The following ZNF474 variants were observed in gnomAD, a reference collection of about 807,000 sequenced individuals.
ZNF474 encodes zinc finger protein 474, also known as 4933409D10Rik.
For missense variants in ZNF474, 511 were observed against 433.8 expected (o/e 1.18, Z -1.58); for synonymous variants, 192 against 162.2 (o/e 1.18, Z -1.39).
Position 122,138,947 on chromosome 5 carries a change from C to A in ZNF474, c.-213+9264C>A, listed in dbSNP as rs574821815. Among the ~76,000 whole-genome samples, 3 of 152,238 alleles carry A rather than the reference C, an allele frequency of 2.0e-5. No homozygotes were observed. The East Asian group carries it at 5.8e-4, about 29-fold the overall frequency. ...AAATATATAATTATTTTGTGAAAGA[C>A]TTTTTCCATTTTGGTTCATTTTAAA... On this transcript the variant is annotated intron_variant, in intron 1 of 1. Transcript: ENST00000296600.
rs200800080 is a variant in ZNF474 at position 122,152,972 on chromosome 5, G to C, written c.982G>C (p.Glu328Gln). ...TTTAGGGAGTAAAGGAGGCCTAAAAGAGTACACTAATTCCAAGCAGCAAAG... is the reference window on the plus strand; with the variant it reads ...TTTAGGGAGTAAAGGAGGCCTAAAACAGTACACTAATTCCAAGCAGCAAAG... ...LNLGSKGGLKEYTNSKQQRNR... is the reference protein window; with the variant it reads ...LNLGSKGGLKQYTNSKQQRNR... The change falls in exon 2 of 2, where the codon GAG becomes CAG. Residue 328 changes from glutamate (E) to glutamine (Q), a missense_variant. Coordinates refer to ENST00000296600, the MANE Select transcript of ZNF474 (RefSeq NM_207317.3). The C allele has an allele frequency of 4.5e-5, 72 of 1,613,886 alleles. No individual in the cohort carries two copies. In the Middle Eastern group the frequency reaches 8.2e-4, roughly 18 times the overall value.
intron 1 of ZNF474, among the ~76,000 whole-genome samples, chr5:122,131,685 G>C (rs1169042910): frequency 1.3e-5 from 2 of 151,970 alleles, no homozygotes; most frequent in African/African-American, 4.8e-5. Context: ...ATGAGTGATA[G>C]GGTAGATATT....
At position 122,152,243 on chromosome 5, in the gene ZNF474, C is replaced by T. The variant is rs143759385; in HGVS notation, c.253C>T (p.Pro85Ser). Residue 85 changes from proline to serine, a missense_variant, in exon 2 of 2, where the codon CCT becomes TCT. Transcript: ENST00000296600. ...TATATCGGAAAGCCAGCTTAGCCCC[C>T]CTGTGATCCCGGCCCGCAGGCCTGG... ...RIISESQLSP[P>S]VIPARRPGFR... is the part of the protein sequence containing the mutation. The T allele has an allele frequency of 2.2e-5, 36 of 1,614,210 alleles. No homozygotes were observed. The highest frequency in any genetic ancestry group is 2.1e-4 in the South Asian group (19 of 91,088).
chr5:122,143,973 TC>T (rs1755918877), intron 1 of ZNF474, among the ~76,000 whole-genome samples: 1 of 152,186 alleles, frequency 6.6e-6, no homozygotes, highest in Non-Finnish European at 1.5e-5. Flanking sequence ...TTCCTTTTTT[TC>T]TTTTTATTTC....
chr5:122,145,081 A>G (rs1177252516), intron 1 of ZNF474, among the ~76,000 whole-genome samples: 1 of 152,222 alleles, frequency 6.6e-6, no homozygotes, highest in African/African-American at 2.4e-5. Flanking sequence ...TTCTAACACC[A>G]TAGACTATTA....
intron 1 of ZNF474, among the ~76,000 whole-genome samples, chr5:122,149,985 A>G (rs1252240496): frequency 6.6e-6 from 1 of 151,616 alleles, no homozygotes; most frequent in East Asian, 1.9e-4. Context: ...GGCAGAGACA[A>G]TTTAGGGGAA....
intron 1 of ZNF474, among the ~76,000 whole-genome samples, chr5:122,149,938 A>G (rs997274342): frequency 2.0e-5 from 3 of 149,956 alleles, no homozygotes; most frequent in Non-Finnish European, 4.4e-5. Context: ...AGAGAGAGAG[A>G]GAGGGAGGGA....
intron 1 of ZNF474, among the ~76,000 whole-genome samples, chr5:122,151,447 T>C (rs1370618484): frequency 6.6e-6 from 1 of 152,142 alleles, no homozygotes; most frequent in Non-Finnish European, 1.5e-5. Flanking sequence ...TTCTATGGTC[T>C]CACCACCCTG....
chr5:122,132,711 G>A (rs1755606425), intron 1 of ZNF474, among the ~76,000 whole-genome samples: 1 of 152,022 alleles, frequency 6.6e-6, no homozygotes, highest in Admixed American at 6.6e-5. Context: ...TGTGCATCCA[G>A]TTGTTCCACT....
At chr5:122,151,347 A>G (rs1487628990) in intron 1 of ZNF474, among the ~76,000 whole-genome samples, 4 of 152,170 alleles carry the variant, frequency 2.6e-5, no homozygotes, top group African/African-American at 7.2e-5. Context: ...AGGATCTCTG[A>G]CGTAGTGGAA....
chr5:122,140,851 G>A (rs150133844), intron 1 of ZNF474, among the ~76,000 whole-genome samples: 2 of 152,176 alleles, frequency 1.3e-5, no homozygotes, highest in South Asian at 4.1e-4. Flanking sequence ...CAATGTTCTT[G>A]TGCTATTTTA....
intron 1 of ZNF474, among the ~76,000 whole-genome samples, chr5:122,140,671 C>A (rs1196721310): frequency 1.3e-5 from 2 of 152,048 alleles, no homozygotes; most frequent in South Asian, 2.1e-4. Flanking sequence ...AGTAAGGGAC[C>A]CCCATCTTTG....
At chr5:122,149,592 G>C (rs2152606695) in intron 1 of ZNF474, among the ~76,000 whole-genome samples, 1 of 152,302 alleles carries the variant, frequency 6.6e-6, no homozygotes, top group East Asian at 1.9e-4. Context: ...GAGCCAAAGA[G>C]AGCTGGAATT....
intron 1 of ZNF474, among the ~76,000 whole-genome samples, chr5:122,148,225 G>C (rs983565656): frequency 5.9e-5 from 9 of 152,204 alleles, no homozygotes; most frequent in Non-Finnish European, 1.2e-4. Context: ...GAAACATTAC[G>C]CATTTCTCCA....
chr5:122,152,335 G>A lies in ZNF474; in HGVS notation c.345G>A (p.Gln115=). ...GSQSIAIHEP[Q]CLQKWHIENS... Reference sequence around the variant, plus strand: ...AGTCAATTGCCATTCATGAACCCCAGTGCTTGCAGAAGTGGCATATTGAAA... The same window carrying A: ...AGTCAATTGCCATTCATGAACCCCAATGCTTGCAGAAGTGGCATATTGAAA... Residue 115 remains glutamine, a synonymous_variant, in exon 2 of 2, where the codon CAG becomes CAA. Coordinates refer to ENST00000296600, the MANE Select transcript of ZNF474 (RefSeq NM_207317.3). 6.2e-7 allele frequency: 1 copy of A among 1,614,218 alleles called. No individual in the cohort carries two copies. The highest frequency in any genetic ancestry group is 2.2e-5 in the East Asian group (1 of 44,882).
chr5:122,146,834 C>T (rs1361375688), intron 1 of ZNF474, among the ~76,000 whole-genome samples: 2 of 152,148 alleles, frequency 1.3e-5, no homozygotes, highest in East Asian at 1.9e-4. Context: ...GCTGCTAAAG[C>T]GCCAGTCATC....
chr5:122,153,042 C>G lies in ZNF474; in HGVS notation c.1052C>G (p.Thr351Arg). ...PSVTDKVIHA[T>R]QDALGEPGGA... Reference sequence around the variant, plus strand: ...GTAACTGATAAGGTAATTCATGCCACACAAGACGCATTAGGTGAACCTGGT... The same window carrying G: ...GTAACTGATAAGGTAATTCATGCCAGACAAGACGCATTAGGTGAACCTGGT... Residue 351 changes from threonine to arginine, a missense_variant, in exon 2 of 2, where the codon ACA (threonine) becomes AGA (arginine). Transcript: ENST00000296600. The G allele has an allele frequency of 6.2e-7, 1 of 1,614,068 alleles. No homozygotes were observed. The highest frequency in any genetic ancestry group is 8.5e-7 in the Non-Finnish European group (1 of 1,179,944).
chr5:122,152,531 C>A lies in ZNF474; in HGVS notation c.541C>A (p.Leu181Ile). The A allele has an allele frequency of 6.2e-7, 1 of 1,614,176 alleles. No homozygotes were observed. Among genetic ancestry groups the A allele is most frequent in the Admixed American group, 1.7e-5 (1 of 60,020 alleles). ...CCGCACATTCTTGCCAGATCATCTTCTTGTTCATCACAGAAGCTGCAAGCC... is the reference window on the plus strand; with the variant it reads ...CCGCACATTCTTGCCAGATCATCTTATTGTTCATCACAGAAGCTGCAAGCC... ...CGRTFLPDHL[L>I]VHHRSCKPKG... The change falls in exon 2 of 2, where the codon CTT becomes ATT. Residue 181 changes from leucine (L) to isoleucine (I), a missense_variant. Leu to Ile is a conservative substitution (Grantham distance 5, BLOSUM62 2). Coordinates refer to ENST00000296600, the MANE Select transcript of ZNF474 (RefSeq NM_207317.3).
intron 1 of ZNF474, among the ~76,000 whole-genome samples, chr5:122,133,848 T>G (rs1485596905): frequency 2.0e-5 from 3 of 152,230 alleles, no homozygotes; most frequent in Admixed American, 6.5e-5. Context: ...GCGTGAGCCA[T>G]AGCGCCCAGC....
Sources: allele counts gnomAD v4.1 joint callset (sites outside exome capture counted in the v4.1 genomes callset), GRCh38; gene constraint gnomAD v4.1.1; transcripts MANE v1.5; gene names NCBI Gene and HGNC (gene_info 2026-07-23, HGNC 2026-07-21).